DMD: variants seen among roughly 807,000 people sequenced by gnomAD.
The protein encoded by DMD is dystrophin, also known as mutant dystrophin.
DMD carries 63 observed loss-of-function variants against 330.1 expected under a neutral mutation model. The observed-to-expected ratio is 0.19, with a 90% CI of 0.16 to 0.24. The LOEUF (loss-of-function observed/expected upper bound fraction) is 0.24, where lower values mean the gene tolerates loss of function less well. DMD is among the 10% of genes least tolerant of loss of function. The pLI, the probability that DMD is intolerant of heterozygous loss-of-function variation, is 1.00. For synonymous variants in DMD, 1,223 were observed against 959.8 expected, an observed-to-expected ratio of 1.27 and a Z score of -5.07; for missense variants, 3,344 against 2,684.1, an observed-to-expected ratio of 1.25 and a Z score of -5.43.
At chrX:32,776,790 T>C (rs1008602671) in intron 7 of DMD, among the ~76,000 whole-genome samples, 8 of 111,772 alleles carry the variant, frequency 7.2e-5, no homozygotes, top group African/African-American at 2.6e-4. Context: ...CAATGAGAAA[T>C]TTTCCCTAAG....
At chrX:32,723,987 T>G (rs1199329814) in intron 7 of DMD, among the ~76,000 whole-genome samples, 1 of 111,742 alleles carries the variant, frequency 8.9e-6, no homozygotes, top group Non-Finnish European at 1.9e-5. Flanking sequence ...GGCTGTGAGT[T>G]GGACAAGGTT....
chrX:32,776,626 G>A (rs2074174953), intron 7 of DMD, among the ~76,000 whole-genome samples: 1 of 110,777 alleles, frequency 9.0e-6, no homozygotes. Flanking sequence ...ACTATCACAA[G>A]AAGAGCATGG....
chrX:32,835,841 T>C (rs953059463), intron 4 of DMD, among the ~76,000 whole-genome samples: 4 of 111,117 alleles, frequency 3.6e-5, no homozygotes, highest in African/African-American at 1.3e-4. Context: ...GATCCAGAAA[T>C]TACCAAAAAG....
At chrX:33,172,526 C>G (rs1355747444) in intron 1 of DMD, among the ~76,000 whole-genome samples, 1 of 110,982 alleles carries the variant, frequency 9.0e-6, no homozygotes, top group Non-Finnish European at 1.9e-5. Flanking sequence ...AAAATCGAAA[C>G]AGAGAGAAAG....
At chrX:31,265,037 T>A (rs2050895148) in intron 62 of DMD, among the ~76,000 whole-genome samples, 1 of 112,970 alleles carries the variant, frequency 8.9e-6, no homozygotes, top group Admixed American at 9.3e-5. Flanking sequence ...CATTGTTATT[T>A]GGTACTGAAA....
rs962779294 is a variant in DMD, at chrX:32,666,192, CT to C, written c.961-21041del. Among the ~76,000 whole-genome samples the C allele has an allele frequency of 2.7e-5, 3 of 110,853 alleles. No individual in the cohort carries two copies. The East Asian group carries it at 8.5e-4, about 31-fold the overall frequency. On this transcript the variant is annotated intron_variant, in intron 9 of 78. Transcript: ENST00000357033. ...GTTGTTGAGAATGATTCCTAGGTGTCTTTTTTTATTATTATACTTCAAGTTC... is the reference window on the plus strand; with the variant it reads ...GTTGTTGAGAATGATTCCTAGGTGTCTTTTTTATTATTATACTTCAAGTTC...
intron 2 of DMD, among the ~76,000 whole-genome samples, chrX:32,888,915 T>G (rs2084924536): frequency 9.1e-6 from 1 of 110,037 alleles, no homozygotes. Context: ...GCACGGAAAA[T>G]TATAATTTTT....
intron 55 of DMD, among the ~76,000 whole-genome samples, chrX:31,611,903 T>C (rs2077944154): frequency 9.0e-6 from 1 of 111,388 alleles, no homozygotes; most frequent in Non-Finnish European, 1.9e-5. Flanking sequence ...AGTAGGTGCA[T>C]ATATTTACGG....
intron 60 of DMD, among the ~76,000 whole-genome samples, chrX:31,396,942 C>A (rs1276570804): frequency 9.0e-6 from 1 of 111,415 alleles, no homozygotes; most frequent in Non-Finnish European, 1.9e-5. Context: ...CCGTGAAAGG[C>A]AGGTAAGGCA....
chrX:31,776,077 AGG>A (rs974673855), intron 50 of DMD, among the ~76,000 whole-genome samples: 1 of 112,083 alleles, frequency 8.9e-6, no homozygotes, highest in Non-Finnish European at 1.9e-5. Context: ...GTCACAGTCC[AGG>A]AGAAGAAATC....
At chrX:31,217,542 T>G (rs780921133) in intron 64 of DMD, among the ~76,000 whole-genome samples, 1 of 112,247 alleles carries the variant, frequency 8.9e-6, no homozygotes, top group East Asian at 2.8e-4. Context: ...ACATCATTAA[T>G]TTTCCTTAAA....
intron 52 of DMD, among the ~76,000 whole-genome samples, chrX:31,714,263 G>T (rs1048694940): frequency 1.8e-5 from 2 of 111,336 alleles, no homozygotes; most frequent in Non-Finnish European, 3.8e-5. Context: ...AATATTCACT[G>T]CTGTACATAT....
intron 2 of DMD, among the ~76,000 whole-genome samples, chrX:33,000,148 G>A (rs1462507533): frequency 9.0e-6 from 1 of 111,573 alleles, no homozygotes; most frequent in African/African-American, 3.3e-5. Context: ...ATTGAAAGGA[G>A]TTTTAGTATA....
At chrX:31,725,260 T>C (rs1444169859) in intron 52 of DMD, among the ~76,000 whole-genome samples, 2 of 111,494 alleles carry the variant, frequency 1.8e-5, no homozygotes, top group Non-Finnish European at 3.8e-5. Flanking sequence ...AATTTATAGA[T>C]AATAAAAATT....
intron 2 of DMD, among the ~76,000 whole-genome samples, chrX:32,955,487 T>A (rs1569545549): frequency 9.0e-6 from 1 of 111,714 alleles, no homozygotes; most frequent in South Asian, 3.7e-4. Context: ...TTCTGTAGTT[T>A]GTCTGCTCAC....
At chrX:31,179,060 G>A (rs768339206) in intron 69 of DMD, among the ~76,000 whole-genome samples, 49 of 112,101 alleles carry the variant, frequency 4.4e-4, no homozygotes, top group Non-Finnish European at 9.0e-4. Context: ...ACGTTGTTAT[G>A]ATAAATAAAA....
At chrX:33,295,809 T>A (rs924169241) in intron 1 of DMD, among the ~76,000 whole-genome samples, 1 of 111,077 alleles carries the variant, frequency 9.0e-6, no homozygotes, top group Admixed American at 9.6e-5. Flanking sequence ...TATTGACTAC[T>A]CCCTATCAGT....
chrX:32,519,926 G>A (rs1261238971), intron 17 of DMD, among the ~76,000 whole-genome samples: 1 of 111,912 alleles, frequency 8.9e-6, no homozygotes, highest in Non-Finnish European at 1.9e-5. Flanking sequence ...AATTCCAGCT[G>A]CCCATAGGAT....
intron 1 of DMD, among the ~76,000 whole-genome samples, chrX:33,179,844 T>G (rs2049891337): frequency 1.8e-5 from 2 of 109,756 alleles, no homozygotes; most frequent in African/African-American, 6.6e-5. Flanking sequence ...AGTGCTTTTT[T>G]TTTTTTTTTC....
Sources: gnomAD v4.1 joint callset for allele counts (sites outside exome capture counted in the v4.1 genomes callset) on GRCh38, gnomAD v4.1.1 for gene constraint, MANE v1.5 for transcripts, NCBI Gene and HGNC (gene_info 2026-07-23, HGNC 2026-07-21) for gene names.